GLI2: variants seen among roughly 807,000 people sequenced by gnomAD.
GLI2 encodes transcription activator GLI2.
Under a neutral mutation model 78.9 loss-of-function variants are expected in GLI2, and 22 were observed. The ratio of observed to expected loss-of-function variants is 0.28; its 90% CI spans 0.20 to 0.40. GLI2 has a LOEUF of 0.40. Ranked by LOEUF, GLI2 falls within the 10% of genes least tolerant of loss-of-function variation. The probability of loss-of-function intolerance (pLI) is 1.00; values close to 1 mark genes in which losing one functional copy is unlikely to be tolerated. For synonymous variants in GLI2, 974 were observed against 963.7 expected, an observed-to-expected ratio of 1.01 and a Z score of -0.20; for missense variants, 2,097 against 2,213.2, an observed-to-expected ratio of 0.95 and a Z score of 1.05.
chr2:120,862,510 T>C (rs1178014472), intron 2 of GLI2, among the ~76,000 whole-genome samples: 1 of 152,108 alleles, frequency 6.6e-6, no homozygotes, highest in Admixed American at 6.5e-5. Flanking sequence ...TGCTGAGCTG[T>C]GCGTGACCCC....
intron 3 of GLI2, among the ~76,000 whole-genome samples, chr2:120,935,752 C>T (rs981535474): frequency 6.6e-6 from 1 of 152,222 alleles, no homozygotes; most frequent in African/African-American, 2.4e-5. Context: ...CTGAGAGCTT[C>T]AGATTCCAAA....
At chr2:120,894,067 A>G (rs1677817931) in intron 2 of GLI2, among the ~76,000 whole-genome samples, 1 of 152,156 alleles carries the variant, frequency 6.6e-6, no homozygotes, top group South Asian at 2.1e-4. Context: ...GAGGCCCGAG[A>G]GGCCTATTGT....
At chr2:120,911,170 C>A (rs986935408) in intron 2 of GLI2, among the ~76,000 whole-genome samples, 1 of 152,226 alleles carries the variant, frequency 6.6e-6, no homozygotes, top group Non-Finnish European at 1.5e-5. Context: ...CTACCCTACC[C>A]CACCCATGTC....
At chr2:120,915,669 C>G (rs1380284344) in intron 2 of GLI2, among the ~76,000 whole-genome samples, 1 of 152,308 alleles carries the variant, frequency 6.6e-6, no homozygotes, top group Non-Finnish European at 1.5e-5. Flanking sequence ...CCTGGGCTCA[C>G]GTGGCTGAAG....
chr2:120,812,705 G>T (rs1685312125), intron 2 of GLI2, among the ~76,000 whole-genome samples: 1 of 152,294 alleles, frequency 6.6e-6, no homozygotes, highest in African/African-American at 2.4e-5. Flanking sequence ...CTGCCGGGGA[G>T]CCCCTTTCTC....
intron 2 of GLI2, among the ~76,000 whole-genome samples, chr2:120,877,964 A>G (rs1688844661): frequency 6.6e-6 from 1 of 152,216 alleles, no homozygotes; most frequent in Non-Finnish European, 1.5e-5. Flanking sequence ...TGGTTGTACC[A>G]ATTGCCTTAG....
intron 2 of GLI2, among the ~76,000 whole-genome samples, chr2:120,862,344 CG>C (rs1687938906): frequency 6.6e-6 from 1 of 152,188 alleles, no homozygotes; most frequent in Non-Finnish European, 1.5e-5. Context: ...CCCACCCCTC[CG>C]CCAGGCTCCT....
At chr2:120,947,347 G>A (rs1324913460) in intron 3 of GLI2, among the ~76,000 whole-genome samples, 1 of 152,268 alleles carries the variant, frequency 6.6e-6, no homozygotes, top group East Asian at 1.9e-4. Flanking sequence ...GGCATAAAGT[G>A]CCTGTGTTGT....
chr2:120,966,011 A>G (rs1227966978), intron 5 of GLI2, among the ~76,000 whole-genome samples: 4 of 152,240 alleles, frequency 2.6e-5, no homozygotes, highest in South Asian at 4.1e-4. Flanking sequence ...CCCAGTCTTC[A>G]TAGCCCAATA....
chr2:120,820,271 G>A (rs577195714), intron 2 of GLI2, among the ~76,000 whole-genome samples: 5 of 152,314 alleles, frequency 3.3e-5, no homozygotes, highest in African/African-American at 1.2e-4. Flanking sequence ...GCCATCCCAG[G>A]CTTTGCTTTC....
intron 1 of GLI2, among the ~76,000 whole-genome samples, chr2:120,760,866 T>C (rs1683193090): frequency 6.6e-6 from 1 of 152,204 alleles, no homozygotes; most frequent in Non-Finnish European, 1.5e-5. Context: ...GCTTTTCTCC[T>C]CCAAGCCTGT....
intron 2 of GLI2, among the ~76,000 whole-genome samples, chr2:120,904,066 A>T (rs1678396867): frequency 6.6e-6 from 1 of 151,946 alleles, no homozygotes; most frequent in South Asian, 2.1e-4. Flanking sequence ...CCCCCAGCTC[A>T]CCTCATCCCC....
intron 1 of GLI2, among the ~76,000 whole-genome samples, chr2:120,787,207 G>A (rs187722981): frequency 1.3e-5 from 2 of 152,294 alleles, no homozygotes; most frequent in Admixed American, 6.5e-5. Context: ...GAGGAACCGC[G>A]TGATCAGAGT....
chr2:120,851,898 G>A (rs1687423227), intron 2 of GLI2, among the ~76,000 whole-genome samples: 1 of 152,222 alleles, frequency 6.6e-6, no homozygotes, highest in Non-Finnish European at 1.5e-5. Context: ...TTCCCAGGAG[G>A]TCCCATTTGA....
chr2:120,797,114 A>T (rs1573388950), intron 1 of GLI2, among the ~76,000 whole-genome samples, 177 bp from the exon 2 acceptor site: 1 of 152,324 alleles, frequency 6.6e-6, no homozygotes, highest in East Asian at 1.9e-4. Flanking sequence ...CGTTCAGAAG[A>T]CCAGACGAAT....
intron 2 of GLI2, among the ~76,000 whole-genome samples, chr2:120,866,029 A>G (rs952079254): frequency 5.3e-5 from 8 of 152,228 alleles, no homozygotes; most frequent in African/African-American, 1.4e-4. Flanking sequence ...CCATGCTGAA[A>G]GATGTCCACA....
chr2:120,793,562 C>T lies in GLI2; in HGVS notation c.-30-3729C>T, dbSNP rs569784877. ...GTTTACCTAGAAATTGTGCTAATCC[C>T]GCTAATTCCTGTGATTTACACAGCC... On this transcript the variant is annotated intron_variant, in intron 1 of 13. Transcript: ENST00000361492. Among the ~76,000 whole-genome samples the T allele has an allele frequency of 8.5e-5, 13 of 152,296 alleles. 1 individual carries two copies. The highest frequency in any genetic ancestry group is 6.8e-3 in the Middle Eastern group (2 of 294).
chr2:120,881,695 C>T (rs185727315), intron 2 of GLI2, among the ~76,000 whole-genome samples: 6 of 19,980 alleles, frequency 3.0e-4, no homozygotes, highest in East Asian at 2.1e-3. Flanking sequence ...GGAGGATAGT[C>T]GGGAGGACAG....
intron 1 of GLI2, among the ~76,000 whole-genome samples, chr2:120,791,195 TG>T (rs879450159): frequency 6.6e-6 from 1 of 152,218 alleles, no homozygotes; most frequent in Non-Finnish European, 1.5e-5. Flanking sequence ...CCAGAAGTCC[TG>T]GGGAACCCTT....
Sources: gnomAD v4.1 joint callset for allele counts (sites outside exome capture counted in the v4.1 genomes callset) on GRCh38, gnomAD v4.1.1 for gene constraint, MANE v1.5 for transcripts, NCBI Gene and HGNC (gene_info 2026-07-23, HGNC 2026-07-21) for gene names.